The following CELF2 variants were observed in gnomAD, a reference collection of about 807,000 sequenced individuals.
The protein encoded by CELF2 is CUG triplet repeat RNA-binding protein 2.
In CELF2, 8 loss-of-function variants were observed where a neutral mutation model predicts 62.6. The observed-to-expected ratio is 0.13, with a 90% CI of 0.07 to 0.23. The LOEUF (loss-of-function observed/expected upper bound fraction) is 0.23. Ranked by LOEUF, CELF2 falls within the 10% of genes least tolerant of loss-of-function variation. CELF2 has a pLI of 1.00. For missense variants in CELF2, 333 were observed against 671.0 expected, an observed-to-expected ratio of 0.50 and a Z score of 5.56; for synonymous variants, 258 against 250.0, an observed-to-expected ratio of 1.03 and a Z score of -0.30.
At chr10:10,820,948 A>G (rs1188208669) in intron 1 of CELF2, among the ~76,000 whole-genome samples, 1 of 152,210 alleles carries the variant, frequency 6.6e-6, no homozygotes, top group Non-Finnish European at 1.5e-5. Flanking sequence ...GGGTTATTGT[A>G]GATATCCCGG....
At chr10:10,506,670 A>ATTTTTTTTTTTTTTTTTTTTTTTTTTTT in the CELF2 span, among the ~76,000 whole-genome samples, 2 of 64,556 alleles carry the variant, frequency 3.1e-5, 1 homozygote, top group Non-Finnish European at 5.4e-5. Flanking sequence ...CCTCCTGTGA[A>ATTTTTTTTTTTTTTTTTTTTTTTTTTTT]TTTTTTTTTT....
the CELF2 span, among the ~76,000 whole-genome samples, chr10:10,579,601 C>T: frequency 2.6e-5 from 4 of 152,200 alleles, no homozygotes; most frequent in African/African-American, 9.6e-5. Context: ...AAAGTCTTCC[C>T]TCCACCTTGA....
intron 1 of CELF2, among the ~76,000 whole-genome samples, chr10:11,057,415 T>C (rs2065548569): frequency 6.6e-6 from 1 of 152,034 alleles, no homozygotes; most frequent in African/African-American, 2.4e-5. Flanking sequence ...CTGGAGGAGA[T>C]TTTCATTTTG....
intron 1 of CELF2, among the ~76,000 whole-genome samples, chr10:10,806,130 G>A (rs1330538605): frequency 6.6e-6 from 1 of 151,960 alleles, no homozygotes; most frequent in Non-Finnish European, 1.5e-5. Context: ...TTGTCATCAT[G>A]GTGTAGACAT....
chr10:11,121,843 C>T (rs1268671535), intron 1 of CELF2, among the ~76,000 whole-genome samples: 1 of 152,142 alleles, frequency 6.6e-6, no homozygotes, highest in Non-Finnish European at 1.5e-5. Flanking sequence ...CGGAGCCCAG[C>T]ATGCTCAAAG....
intron 1 of CELF2, among the ~76,000 whole-genome samples, chr10:11,113,010 C>T (rs1034462362): frequency 6.6e-6 from 1 of 152,134 alleles, no homozygotes; most frequent in African/African-American, 2.4e-5. Flanking sequence ...CGTGAGTAAA[C>T]GCAATGCATT....
At chr10:11,209,797 A>AT (rs2061360904) in intron 2 of CELF2, among the ~76,000 whole-genome samples, 1 of 151,908 alleles carries the variant, frequency 6.6e-6, no homozygotes, top group African/African-American at 2.4e-5. Flanking sequence ...GAAAAAAAAA[A>AT]GGTATTAAAT....
the CELF2 span, among the ~76,000 whole-genome samples, chr10:10,529,097 G>A: frequency 6.6e-6 from 1 of 152,144 alleles, no homozygotes; most frequent in East Asian, 1.9e-4. Flanking sequence ...GCTCATTAAT[G>A]GCAATTTAAA....
intron 9 of CELF2, among the ~76,000 whole-genome samples, chr10:11,303,495 T>G (rs2093953803): frequency 6.6e-6 from 1 of 152,134 alleles, no homozygotes; most frequent in South Asian, 2.1e-4. Flanking sequence ...ATACCCAGAT[T>G]CTCCTCCTTC....
At chr10:10,528,678 A>G in the CELF2 span, among the ~76,000 whole-genome samples, 1 of 152,274 alleles carries the variant, frequency 6.6e-6, no homozygotes, top group East Asian at 1.9e-4. Context: ...ATCCTGCAGA[A>G]GTGGTGTTGT....
At chr10:10,523,356 T>C in the CELF2 span, among the ~76,000 whole-genome samples, 1 of 152,354 alleles carries the variant, frequency 6.6e-6, no homozygotes, top group African/African-American at 2.4e-5. Context: ...TGTATTTAAA[T>C]GATTTTTTAA....
the CELF2 span, among the ~76,000 whole-genome samples, chr10:10,671,748 G>C: frequency 1.4e-5 from 2 of 146,448 alleles, no homozygotes; most frequent in Admixed American, 1.4e-4. Context: ...TTTTTTAATT[G>C]ACACAGAGTC....
intron 1 of CELF2, among the ~76,000 whole-genome samples, chr10:11,140,193 C>T (rs1423426829): frequency 1.3e-5 from 2 of 152,108 alleles, no homozygotes; most frequent in Non-Finnish European, 1.5e-5. Flanking sequence ...ATTATAGGTA[C>T]CCAAAAGGGC....
chr10:10,670,181 C>T, the CELF2 span, among the ~76,000 whole-genome samples: 1,611 of 152,186 alleles, frequency 0.011, 38 homozygotes, highest in African/African-American at 0.037. Context: ...AGATTACAGG[C>T]GTGAGCCATC....
the CELF2 span, among the ~76,000 whole-genome samples, chr10:10,665,662 T>G: frequency 2.0e-5 from 3 of 152,198 alleles, no homozygotes; most frequent in African/African-American, 7.2e-5. Context: ...TATTTAATCC[T>G]GATTTCAGTG....
intron 1 of CELF2, among the ~76,000 whole-genome samples, chr10:11,009,690 T>C (rs1398787678): frequency 1.3e-5 from 2 of 152,154 alleles, no homozygotes; most frequent in African/African-American, 2.4e-5. Flanking sequence ...CCGCCCATGA[T>C]TGGCTGTTTA....
chr10:10,550,438 A>G, the CELF2 span, among the ~76,000 whole-genome samples: 1 of 152,202 alleles, frequency 6.6e-6, no homozygotes, highest in African/African-American at 2.4e-5. Context: ...TGTGCATAGA[A>G]GCCACTATCC....
chr10:10,886,546 A>G (rs1443687064), intron 1 of CELF2, among the ~76,000 whole-genome samples: 1 of 152,224 alleles, frequency 6.6e-6, no homozygotes, highest in African/African-American at 2.4e-5. Flanking sequence ...TGCATTAAAA[A>G]AGGAAATGAA....
At chr10:10,951,146 T>G (rs2048271408) in intron 2 of CELF2, among the ~76,000 whole-genome samples, 1 of 152,164 alleles carries the variant, frequency 6.6e-6, no homozygotes, top group South Asian at 2.1e-4. Flanking sequence ...TTCAGCACCA[T>G]CCTCCTTTTT....
Sources: allele counts gnomAD v4.1 joint callset (sites outside exome capture counted in the v4.1 genomes callset), GRCh38; gene constraint gnomAD v4.1.1; transcripts MANE v1.5; gene names NCBI Gene and HGNC (gene_info 2026-07-23, HGNC 2026-07-21).